The following C6 variants were observed in gnomAD, a reference collection of about 807,000 sequenced individuals.
The protein encoded by C6 is complement C6.
A neutral mutation model predicts 112.9 loss-of-function variants in C6; 101 were observed. That is an observed-to-expected ratio of 0.89 (90% CI 0.76 to 1.06). The LOEUF (loss-of-function observed/expected upper bound fraction) is 1.06, where lower values mean the gene tolerates loss of function less well. Among genes scored for constraint, C6 ranks in the 50% least tolerant of loss-of-function variants. The pLI is 0.00. For missense variants in C6, 1,202 were observed against 1,104.6 expected (o/e 1.09, Z -1.25); for synonymous variants, 431 against 384.1 (o/e 1.12, Z -1.43).
At chr5:41,221,985 T>C (rs1739200796) in intron 1 of C6, among the ~76,000 whole-genome samples, 1 of 151,742 alleles carries the variant, frequency 6.6e-6, no homozygotes, top group African/African-American at 2.4e-5. Context: ...ACCAACATGG[T>C]GAAACCCTAT....
intron 1 of C6, among the ~76,000 whole-genome samples, chr5:41,242,158 C>G (rs1294841481): frequency 6.6e-6 from 1 of 152,140 alleles, no homozygotes; most frequent in East Asian, 1.9e-4. Context: ...TCCTCCCACC[C>G]AAAATCTCAT....
intron 9 of C6, among the ~76,000 whole-genome samples, chr5:41,170,275 T>C (rs1379097355): frequency 4.6e-5 from 7 of 151,948 alleles, no homozygotes; most frequent in Non-Finnish European, 7.4e-5. Context: ...ATATCTTTCT[T>C]GTATGTGATT....
chr5:41,206,542 G>T (rs558222370), intron 1 of C6, among the ~76,000 whole-genome samples: 1 of 152,282 alleles, frequency 6.6e-6, no homozygotes, highest in East Asian at 1.9e-4. Context: ...TGACCTGATG[G>T]AGCTGAAAAC....
chr5:41,167,231 T>C (rs894330833), intron 9 of C6, among the ~76,000 whole-genome samples: 2 of 152,050 alleles, frequency 1.3e-5, no homozygotes, highest in Non-Finnish European at 1.5e-5. Flanking sequence ...ATTTGAAGGC[T>C]AGGGTTTTTA....
At chr5:41,201,858 T>C in intron 2 of C6, 144 bp from the exon 3 acceptor site, 1 of 730,318 alleles carries the variant, frequency 1.4e-6, no homozygotes. Flanking sequence ...TTGGCATATA[T>C]GCAGTTCTCA....
At chr5:41,143,824 C>T (rs1011389128) in intron 17 of C6, among the ~76,000 whole-genome samples, 1 of 152,164 alleles carries the variant, frequency 6.6e-6, no homozygotes, top group Non-Finnish European at 1.5e-5. Flanking sequence ...TTGAGTGATT[C>T]TCCTATGAGG....
intron 5 of C6, among the ~76,000 whole-genome samples, chr5:41,187,101 A>G (rs1168767036): frequency 2.0e-5 from 3 of 152,220 alleles, no homozygotes; most frequent in Non-Finnish European, 4.4e-5. Context: ...CTCCAAGTAC[A>G]TTTGACCAAA....
upstream of C6, among the ~76,000 whole-genome samples, chr5:41,216,139 T>A (rs74844060): frequency 3.6e-4 from 55 of 152,252 alleles, no homozygotes; most frequent in East Asian, 9.8e-3. Context: ...GTGTCTTCTC[T>A]TTCCTACTAA....
intron 5 of C6, among the ~76,000 whole-genome samples, chr5:41,187,855 T>A (rs4413571): frequency 0.53 from 80,464 of 151,886 alleles, 21,727 homozygotes; most frequent in African/African-American, 0.6. Context: ...ATACATACTA[T>A]CTCTCCCATT....
At position 41,161,357 on chromosome 5, in the gene C6, CAAG is replaced by C. The variant is rs1039891650; in HGVS notation, c.1458+333_1458+335del. On this transcript the variant is annotated intron_variant, in intron 10 of 17. Coordinates refer to ENST00000337836, the MANE Select transcript of C6 (RefSeq NM_000065.5). ...GGAGTGTTCATCAAATAAGGAGTTG[CAAG>C]AAGAACACAGAAACCAGATTTATTG... Among the ~76,000 whole-genome samples, 51 of 151,994 alleles carry C rather than the reference CAAG, an allele frequency of 3.4e-4. 1 individual carries two copies. Among genetic ancestry groups the C allele is most frequent in the African/African-American group, 1.1e-3 (47 of 41,438 alleles).
At chr5:41,177,344 G>GT (rs1229480052) in intron 7 of C6, among the ~76,000 whole-genome samples, 6 of 152,090 alleles carry the variant, frequency 3.9e-5, no homozygotes, top group African/African-American at 1.2e-4. Flanking sequence ...AAATATATGA[G>GT]TTTTTTTGTT....
In C6 at chr5:41,169,203, G is replaced by A. The variant is rs568652903; in HGVS notation, c.1291+3022C>T. Among the ~76,000 whole-genome samples the A allele has an allele frequency of 7.2e-5, 11 of 152,200 alleles. No homozygotes were observed. The South Asian group carries it at 2.3e-3, about 32-fold the overall frequency. On this transcript the variant is annotated intron_variant, in intron 9 of 17. Transcript: ENST00000337836. ...CAGATGAGGCTAGCCAAGGCAAAGA[G>A]AAACATGCTAACAAAGGTCTCATTC...
At chr5:41,194,192 G>A (rs1750434855) in intron 5 of C6, among the ~76,000 whole-genome samples, 1 of 152,160 alleles carries the variant, frequency 6.6e-6, no homozygotes. Context: ...ACCAAGAGAA[G>A]GAAACCATTT....
intron 17 of C6, among the ~76,000 whole-genome samples, chr5:41,148,328 G>GA (rs946301975): frequency 2.0e-5 from 3 of 152,090 alleles, no homozygotes; most frequent in Non-Finnish European, 2.9e-5. Context: ...CATAGTAAGT[G>GA]AAAAAACAGC....
At position 41,160,169 on chromosome 5, in the gene C6, C is replaced by A. The variant is rs1417117967; in HGVS notation, c.1657G>T (p.Glu553Ter). 3 of 1,613,270 alleles carry A rather than the reference C, an allele frequency of 1.9e-6. No individual in the cohort carries two copies. The Admixed American group carries it at 5.0e-5, about 27-fold the overall frequency. Residue 553 changes from glutamate (E) to a stop codon, truncating the protein, a stop_gained, in exon 11 of 18, where the codon GAG becomes TAG. Transcript: ENST00000337836. LOFTEE classifies it high-confidence loss of function. ...GATTTATAATCTGGAGACTGTTTCT[C>A]ACAGTTCTCACCATAGGTGCCACTC... is the stretch of plus-strand genomic sequence containing the variant. Reference protein sequence around the residue: ...CQSGTYGENCEKQSPDYKSNA... With the variant: ...CQSGTYGENC
chr5:41,152,861 G>T (rs1447393456), intron 15 of C6: 1 of 152,204 alleles, frequency 6.6e-6, no homozygotes, highest in South Asian at 2.1e-4. Flanking sequence ...ATCACTACAG[G>T]TTTGAAATTG....
intron 1 of C6, among the ~76,000 whole-genome samples, chr5:41,244,446 A>G (rs1436800970): frequency 1.3e-5 from 2 of 152,246 alleles, no homozygotes; most frequent in Non-Finnish European, 2.9e-5. Flanking sequence ...ATCATACTTC[A>G]CAAATGGTAA....
chr5:41,183,545 G>A (rs113319904), intron 6 of C6, among the ~76,000 whole-genome samples: 8 of 152,294 alleles, frequency 5.3e-5, no homozygotes, highest in African/African-American at 9.6e-5. Context: ...ATGTAAATTA[G>A]TTCAGCCACT....
intron 1 of C6, among the ~76,000 whole-genome samples, chr5:41,257,920 T>G (rs1324299643): frequency 6.6e-6 from 1 of 152,148 alleles, no homozygotes; most frequent in Non-Finnish European, 1.5e-5. Context: ...AAGAAAGAAA[T>G]AAGCTTAACA....
Sources: gnomAD v4.1 joint callset for allele counts (sites outside exome capture counted in the v4.1 genomes callset) on GRCh38, gnomAD v4.1.1 for gene constraint, MANE v1.5 for transcripts, NCBI Gene and HGNC (gene_info 2026-07-23, HGNC 2026-07-21) for gene names.